The following ADARB2 variants were observed in gnomAD, a reference collection of about 807,000 sequenced individuals.
ADARB2 encodes adenosine deaminase RNA specific B2 (inactive).
ADARB2 carries 25 observed loss-of-function variants against 62.2 expected under a neutral mutation model. The ratio of observed to expected loss-of-function variants is 0.40; its 90% CI spans 0.29 to 0.56. The LOEUF (loss-of-function observed/expected upper bound fraction) is 0.56. Ranked by LOEUF, ADARB2 falls within the 20% of genes least tolerant of loss-of-function variation. The pLI is 0.43. For synonymous variants in ADARB2, 572 were observed against 500.8 expected (o/e 1.14, Z -1.90); for missense variants, 1,071 against 1,077.4 (o/e 0.99, Z 0.08).
intron 1 of ADARB2, among the ~76,000 whole-genome samples, chr10:1,469,012 G>A (rs1336836581): frequency 6.6e-6 from 1 of 152,182 alleles, no homozygotes; most frequent in Non-Finnish European, 1.5e-5. Context: ...TTGCTACCAC[G>A]TGTTCTTTCC....
chr10:1,567,593 A>G (rs1430525841), intron 1 of ADARB2, among the ~76,000 whole-genome samples: 3 of 152,216 alleles, frequency 2.0e-5, no homozygotes, highest in Non-Finnish European at 2.9e-5. Flanking sequence ...ATGCCAGGAC[A>G]CAGGACGTGG....
At chr10:1,523,543 C>G (rs1166328312) in intron 1 of ADARB2, among the ~76,000 whole-genome samples, 2 of 152,212 alleles carry the variant, frequency 1.3e-5, no homozygotes, top group Non-Finnish European at 2.9e-5. Context: ...TCATTCATCT[C>G]TATCACGAGT....
intron 1 of ADARB2, among the ~76,000 whole-genome samples, chr10:1,500,093 G>A (rs1285723017): frequency 6.6e-6 from 1 of 152,238 alleles, no homozygotes; most frequent in African/African-American, 2.4e-5. Flanking sequence ...GTTCTACACA[G>A]AAAAGCTAGA....
chr10:1,318,115 A>G (rs956672389), intron 3 of ADARB2, among the ~76,000 whole-genome samples: 1 of 152,218 alleles, frequency 6.6e-6, no homozygotes, highest in South Asian at 2.1e-4. Flanking sequence ...AGAATATACT[A>G]TACTTTTGTT....
At chr10:1,297,562 G>T (rs997217565) in intron 3 of ADARB2, among the ~76,000 whole-genome samples, 1 of 152,148 alleles carries the variant, frequency 6.6e-6, no homozygotes, top group Non-Finnish European at 1.5e-5. Flanking sequence ...ACCCCCGAGG[G>T]TGGCTGCGTG....
At chr10:1,725,749 A>G (rs1298067239) in intron 1 of ADARB2, among the ~76,000 whole-genome samples, 2 of 152,226 alleles carry the variant, frequency 1.3e-5, no homozygotes, top group African/African-American at 4.8e-5. Flanking sequence ...TATGAGTGAC[A>G]AGAACGCTGA....
chr10:1,453,927 T>C (rs1192608277), intron 1 of ADARB2, among the ~76,000 whole-genome samples: 1 of 152,200 alleles, frequency 6.6e-6, no homozygotes, highest in Admixed American at 6.5e-5. Flanking sequence ...GTGGCTATTT[T>C]CAGAAAATTA....
At chr10:1,246,590 AG>A (rs1830988108) in intron 4 of ADARB2, among the ~76,000 whole-genome samples, 1 of 107,490 alleles carries the variant, frequency 9.3e-6, no homozygotes, top group Non-Finnish European at 1.9e-5. Context: ...TTTATTAAAT[AG>A]GGAATCCTTT....
intron 2 of ADARB2, among the ~76,000 whole-genome samples, chr10:1,376,996 C>T (rs1470189489): frequency 8.7e-6 from 1 of 114,754 alleles, no homozygotes; most frequent in African/African-American, 3.6e-5. Context: ...TGTGGTGCGT[C>T]CCTGGGGTGT....
chr10:1,281,491 G>A (rs1210599801), intron 3 of ADARB2, among the ~76,000 whole-genome samples: 1 of 152,260 alleles, frequency 6.6e-6, no homozygotes, highest in Admixed American at 6.5e-5. Context: ...CCAATGGAAA[G>A]ATATGGATTG....
intron 1 of ADARB2, among the ~76,000 whole-genome samples, chr10:1,670,159 C>T (rs1834366090): frequency 6.6e-6 from 1 of 152,174 alleles, no homozygotes; most frequent in South Asian, 2.1e-4. Context: ...TCTTTATAAT[C>T]CAGCCAATAT....
rs1564230703 is a variant in ADARB2, at chr10:1,235,499, TCCCTCCC to T, written c.1362-1661_1362-1655del. The stretch of plus-strand genomic sequence containing the variant: ...CTGTCTCCCGGTGTTTACTCCCCTC[TCCCTCCC>T]GGTGTTTACTCCCCTCTGCCTCCCG... On this transcript the variant is annotated intron_variant, in intron 5 of 9. Transcript: ENST00000381312. Among the ~76,000 whole-genome samples, 7 of 12,404 alleles carry T rather than the reference TCCCTCCC, an allele frequency of 5.6e-4. 1 individual carries two copies. Among genetic ancestry groups the T allele is most frequent in the Admixed American group, 1.1e-3 (2 of 1,758 alleles). 8.1% of individuals were successfully genotyped at this position (12,404 alleles called of 152,430 possible).
At chr10:1,256,687 T>C (rs1831082169) in intron 4 of ADARB2, among the ~76,000 whole-genome samples, 1 of 152,206 alleles carries the variant, frequency 6.6e-6, no homozygotes, top group Admixed American at 6.5e-5. Context: ...TTTCACTGGA[T>C]ATAAATATGG....
intron 2 of ADARB2, among the ~76,000 whole-genome samples, 168 bp downstream of exon 2, chr10:1,378,906 G>C (rs1832457674): frequency 6.6e-6 from 1 of 152,112 alleles, no homozygotes; most frequent in South Asian, 2.1e-4. Context: ...GGGTTGCATG[G>C]AAGATGGGGA....
At chr10:1,258,494 G>A (rs1165928966) in intron 4 of ADARB2, among the ~76,000 whole-genome samples, 1 of 152,154 alleles carries the variant, frequency 6.6e-6, no homozygotes, top group Non-Finnish European at 1.5e-5. Context: ...GGCAGGGGTT[G>A]CAATCCTAGT....
At chr10:1,696,066 T>G (rs909575107) in intron 1 of ADARB2, among the ~76,000 whole-genome samples, 1 of 151,992 alleles carries the variant, frequency 6.6e-6, no homozygotes, top group African/African-American at 2.4e-5. Flanking sequence ...ACATGCATTG[T>G]GTATATGTGC....
chr10:1,213,260 A>G (rs1190836528), intron 7 of ADARB2, among the ~76,000 whole-genome samples: 2 of 152,038 alleles, frequency 1.3e-5, no homozygotes, highest in Non-Finnish European at 2.9e-5. Flanking sequence ...GATGGAGACA[A>G]AGCTAGAGAC....
At chr10:1,736,250 A>G (rs1257463934) in intron 1 of ADARB2, among the ~76,000 whole-genome samples, 1 of 152,178 alleles carries the variant, frequency 6.6e-6, no homozygotes, top group South Asian at 2.1e-4. Context: ...CACTGGGGGC[A>G]TTGCTCTCAT....
intron 3 of ADARB2, among the ~76,000 whole-genome samples, chr10:1,272,400 G>A (rs1195358680): frequency 1.3e-5 from 2 of 152,188 alleles, no homozygotes; most frequent in Non-Finnish European, 2.9e-5. Context: ...CCACTTGTAG[G>A]CAATAAAACA....
Sources: gnomAD v4.1 joint callset for allele counts (sites outside exome capture counted in the v4.1 genomes callset) on GRCh38, gnomAD v4.1.1 for gene constraint, MANE v1.5 for transcripts, NCBI Gene and HGNC (gene_info 2026-07-23, HGNC 2026-07-21) for gene names.